Variants in MCTP1 observed in about 807,000 individuals in gnomAD.
MCTP1 encodes multiple C2 and transmembrane domain containing 1.
MCTP1 carries 69 observed loss-of-function variants against 120.6 expected under a neutral mutation model. That is an observed-to-expected ratio of 0.57 (90% CI 0.47 to 0.70). The LOEUF (loss-of-function observed/expected upper bound fraction) is 0.70. MCTP1 is among the 30% of genes least tolerant of loss of function. The probability of loss-of-function intolerance (pLI) is 0.00; values close to 1 mark genes in which losing one functional copy is unlikely to be tolerated. For synonymous variants in MCTP1, 529 were observed against 493.1 expected (o/e 1.07, Z -0.96); for missense variants, 1,203 against 1,248.8 (o/e 0.96, Z 0.55).
chr5:95,070,736 G>A (rs148652457), intron 1 of MCTP1, among the ~76,000 whole-genome samples: 7 of 152,306 alleles, frequency 4.6e-5, no homozygotes, highest in African/African-American at 9.6e-5. Flanking sequence ...GGAGTACAAA[G>A]GCAGTCCCAG....
chr5:95,015,456 C>T (rs2153664444), intron 2 of MCTP1, among the ~76,000 whole-genome samples: 1 of 152,176 alleles, frequency 6.6e-6, no homozygotes, highest in African/African-American at 2.4e-5. Context: ...TCCTCTTCAT[C>T]CCTTTTACCC....
intron 17 of MCTP1, chr5:94,826,165 A>T (rs1287825569): frequency 2.7e-6 from 1 of 376,522 alleles, no homozygotes; most frequent in Non-Finnish European, 5.2e-6. Flanking sequence ...ATTTACCAAG[A>T]GATCGAGCAA....
At position 94,868,412 on chromosome 5, in the gene MCTP1, A is replaced by G; in HGVS notation, c.2357T>C (p.Met786Thr). The change falls in exon 17 of 23, where the codon ATG becomes ACG. Residue 786 changes from methionine (M) to threonine (T), a missense_variant. This residue lies in a region of MCTP1 where 740 missense variants were observed against 871.1 expected (regional missense o/e 0.85). Transcript: ENST00000515393. ...RNFIRMKRCV[M>T]VLVNAAYYVN... The stretch of plus-strand genomic sequence containing the variant: ...GTAGTATGCAGCATTTACCAGCACC[A>G]TGACACAACGTTTCATTCTGATAAA... The G allele has an allele frequency of 1.2e-6, 2 of 1,607,826 alleles. No individual in the cohort carries two copies. The highest frequency in any genetic ancestry group is 1.7e-6 in the Non-Finnish European group (2 of 1,176,928).
intron 1 of MCTP1, among the ~76,000 whole-genome samples, chr5:95,028,151 C>A (rs1644470543): frequency 1.3e-5 from 2 of 152,052 alleles, no homozygotes. Flanking sequence ...TTAGGATGGC[C>A]ATGTAACTGA....
At chr5:94,847,290 A>G (rs947066257) in intron 17 of MCTP1, among the ~76,000 whole-genome samples, 2 of 152,160 alleles carry the variant, frequency 1.3e-5, no homozygotes, top group African/African-American at 2.4e-5. Context: ...CTGACTAATC[A>G]ATGCAACAAT....
chr5:94,991,436 A>G (rs1008441755), intron 2 of MCTP1, among the ~76,000 whole-genome samples: 2 of 152,232 alleles, frequency 1.3e-5, no homozygotes, highest in African/African-American at 4.8e-5. Flanking sequence ...ATAATTTTAA[A>G]TACTCTGAAA....
chr5:95,047,218 T>C lies in MCTP1; in HGVS notation c.721-29734A>G, dbSNP rs149513313. 7.4e-3 allele frequency among the ~76,000 whole-genome samples: 1,120 copies of C among 152,284 alleles called. 16 individuals are homozygous for C. The highest frequency in any genetic ancestry group is 0.026 in the African/African-American group (1,071 of 41,564). On this transcript the variant is annotated intron_variant, in intron 1 of 22. Coordinates refer to ENST00000515393, the MANE Select transcript of MCTP1 (RefSeq NM_024717.7). ...CTTTCCCATGTACTCTAGTCTCTAC[T>C]TTGTCTACTTTGTCTACATAGAGCC...
intron 18 of MCTP1, among the ~76,000 whole-genome samples, chr5:94,784,481 C>T (rs146011255): frequency 2.4e-4 from 37 of 152,098 alleles, no homozygotes; most frequent in Middle Eastern, 3.4e-3. Context: ...GACATTTTTA[C>T]GACAGGACAC....
intron 1 of MCTP1, among the ~76,000 whole-genome samples, chr5:95,215,621 A>G (rs912772267): frequency 1.3e-5 from 2 of 150,896 alleles, no homozygotes; most frequent in African/African-American, 2.4e-5. Context: ...TAGCCTTGTT[A>G]TTTTTTTCTT....
At chr5:94,843,335 T>C (rs992755806) in intron 17 of MCTP1, among the ~76,000 whole-genome samples, 5 of 151,778 alleles carry the variant, frequency 3.3e-5, no homozygotes, top group African/African-American at 1.2e-4. Flanking sequence ...GTACATAGAG[T>C]GGTTTTTTGA....
intron 17 of MCTP1, among the ~76,000 whole-genome samples, chr5:94,830,167 C>T (rs1405654420): frequency 6.6e-6 from 1 of 152,150 alleles, no homozygotes; most frequent in African/African-American, 2.4e-5. Flanking sequence ...AAAACCAAAA[C>T]CAAACTCCTT....
intron 1 of MCTP1, among the ~76,000 whole-genome samples, chr5:95,209,458 A>G (rs1478552825): frequency 6.6e-6 from 1 of 152,160 alleles, no homozygotes; most frequent in Non-Finnish European, 1.5e-5. Flanking sequence ...ATTGCTCTTA[A>G]AGATTATTCC....
chr5:95,278,843 T>C (rs1436181691), intron 1 of MCTP1, among the ~76,000 whole-genome samples: 2 of 151,552 alleles, frequency 1.3e-5, no homozygotes, highest in African/African-American at 4.9e-5. Context: ...ATGCCTGTAA[T>C]CCGAGCTACT....
At chr5:94,815,727 G>A (rs1182527915) in intron 17 of MCTP1, among the ~76,000 whole-genome samples, 1 of 152,170 alleles carries the variant, frequency 6.6e-6, no homozygotes, top group Non-Finnish European at 1.5e-5. Context: ...TCTAGCTTTA[G>A]ATCAGTCTTG....
At chr5:95,021,982 A>G (rs1293948475) in intron 1 of MCTP1, among the ~76,000 whole-genome samples, 4 of 152,178 alleles carry the variant, frequency 2.6e-5, no homozygotes, top group Admixed American at 6.5e-5. Context: ...AGCATATGTT[A>G]ATAAGATCAT....
intron 10 of MCTP1, among the ~76,000 whole-genome samples, chr5:94,895,631 C>T (rs1396105840): frequency 1.3e-5 from 2 of 152,148 alleles, no homozygotes; most frequent in Admixed American, 6.5e-5. Flanking sequence ...AATGTGGTAA[C>T]CTACCATAAA....
intron 17 of MCTP1, among the ~76,000 whole-genome samples, chr5:94,843,085 A>G (rs1453653586): frequency 6.6e-6 from 1 of 151,800 alleles, no homozygotes; most frequent in Non-Finnish European, 1.5e-5. Context: ...ATTCTATGAA[A>G]TATATTTTTT....
At chr5:94,898,309 G>A (rs138313849) in intron 10 of MCTP1, among the ~76,000 whole-genome samples, 36 of 152,254 alleles carry the variant, frequency 2.4e-4, no homozygotes, top group African/African-American at 8.2e-4. Context: ...TATTCTACTC[G>A]AGAGTAAGAT....
chr5:94,784,862 C>G (rs1777321388), intron 18 of MCTP1: 1 of 151,970 alleles, frequency 6.6e-6, no homozygotes, highest in Non-Finnish European at 1.5e-5. Flanking sequence ...CAGAGACACT[C>G]AAATACAATT....
Sources: gnomAD v4.1 joint callset for allele counts (sites outside exome capture counted in the v4.1 genomes callset) on GRCh38, gnomAD v4.1.1 for gene constraint, gnomAD v4.1.1 regional missense constraint, MANE v1.5 for transcripts, NCBI Gene and HGNC (gene_info 2026-07-23, HGNC 2026-07-21) for gene names.